PRKG1: variants seen among roughly 807,000 people sequenced by gnomAD.
The protein encoded by PRKG1 is protein kinase cGMP-dependent 1.
In PRKG1, 35 loss-of-function variants were observed where a neutral mutation model predicts 88.1. The observed-to-expected ratio is 0.40, with a 90% confidence interval of 0.30 to 0.53. The LOEUF (loss-of-function observed/expected upper bound fraction) is 0.53, where lower values mean the gene tolerates loss of function less well. PRKG1 is among the 20% of genes least tolerant of loss of function. The probability of loss-of-function intolerance (pLI) is 0.59; values close to 1 mark genes in which losing one functional copy is unlikely to be tolerated. For synonymous variants in PRKG1, 303 were observed against 292.5 expected, an observed-to-expected ratio of 1.04 and a Z score of -0.37; for missense variants, 540 against 839.8, an observed-to-expected ratio of 0.64 and a Z score of 4.41.
intron 1 of PRKG1, among the ~76,000 whole-genome samples, chr10:51,150,480 T>G (rs2131970244): frequency 6.6e-6 from 1 of 152,282 alleles, no homozygotes; most frequent in Non-Finnish European, 1.5e-5. Flanking sequence ...CTTTGAGTAT[T>G]ATTCTCTGAC....
chr10:51,129,424 G>A (rs1246602759), intron 1 of PRKG1, among the ~76,000 whole-genome samples: 2 of 151,598 alleles, frequency 1.3e-5, no homozygotes, highest in African/African-American at 2.4e-5. Context: ...CAGCCTGTGC[G>A]ATAGAGTGAG....
At chr10:51,335,435 T>G (rs1841850928) in intron 2 of PRKG1, among the ~76,000 whole-genome samples, 1 of 152,192 alleles carries the variant, frequency 6.6e-6, no homozygotes. Flanking sequence ...AAATATTACT[T>G]ACCAAAATAT....
intron 3 of PRKG1, among the ~76,000 whole-genome samples, chr10:51,624,655 G>T (rs1425601944): frequency 6.6e-6 from 1 of 152,132 alleles, no homozygotes; most frequent in Non-Finnish European, 1.5e-5. Flanking sequence ...CACAGTTGTG[G>T]CCACAGAGAT....
Position 51,621,009 on chromosome 10 carries a change from GTATATA to G in PRKG1, c.592+153191_592+153196del, listed in dbSNP as rs55657310. On this transcript the variant is annotated intron_variant, in intron 3 of 17. Transcript: ENST00000373980. ...TGTGTGTGTGTGTGTGTATATGTGT[GTATATA>G]TATATATATATATATATGACTCCTA... 1.7e-3 allele frequency among the ~76,000 whole-genome samples: 207 copies of G among 121,910 alleles called. 1 individual carries two copies. Among genetic ancestry groups the G allele is most frequent in the African/African-American group, 5.7e-3 (201 of 34,996 alleles). 80.0% of individuals were successfully genotyped at this position (121,910 alleles called of 152,430 possible).
intron 1 of PRKG1, among the ~76,000 whole-genome samples, chr10:51,043,364 C>T (rs1843449831): frequency 6.6e-6 from 1 of 152,104 alleles, no homozygotes; most frequent in Non-Finnish European, 1.5e-5. Context: ...GCCGTGCCCC[C>T]CAAAGCACAC....
chr10:52,145,308 A>G (rs1352702161), intron 8 of PRKG1, among the ~76,000 whole-genome samples: 1 of 152,148 alleles, frequency 6.6e-6, no homozygotes, highest in African/African-American at 2.4e-5. Flanking sequence ...ATTTTTGTCC[A>G]TTGGATGTTA....
chr10:51,372,049 C>A (rs578170098), intron 2 of PRKG1, among the ~76,000 whole-genome samples: 1 of 152,034 alleles, frequency 6.6e-6, no homozygotes, highest in Non-Finnish European at 1.5e-5. Context: ...GTTTTCTATA[C>A]GTTTGAAGTG....
At chr10:51,018,083 TA>T (rs1843091963) in intron 1 of PRKG1, among the ~76,000 whole-genome samples, 1 of 152,178 alleles carries the variant, frequency 6.6e-6, no homozygotes, top group Admixed American at 6.5e-5. Context: ...TGGCCTCCTA[TA>T]GGGTTGGGAT....
At chr10:51,558,769 G>A (rs1196364727) in intron 3 of PRKG1, among the ~76,000 whole-genome samples, 1 of 152,124 alleles carries the variant, frequency 6.6e-6, no homozygotes, top group Non-Finnish European at 1.5e-5. Context: ...GTAATGGAAT[G>A]ATTTCTTAAA....
chr10:51,420,692 T>A (rs192388839), intron 2 of PRKG1, among the ~76,000 whole-genome samples: 4 of 152,194 alleles, frequency 2.6e-5, no homozygotes, highest in Non-Finnish European at 4.4e-5. Context: ...CAGGTTGTAT[T>A]AGGCCGTTCT....
At position 51,963,594 on chromosome 10, in the gene PRKG1, G is replaced by T. The variant is rs544422870; in HGVS notation, c.762+56024G>T. ...TCCTGCCTCAGCCACCCGAGTAGCT[G>T]GGACCACCATGCCCGGCTAATTTTT... is the stretch of plus-strand genomic sequence containing the variant. On this transcript the variant is annotated intron_variant, in intron 5 of 17. Coordinates refer to ENST00000373980, the MANE Select transcript of PRKG1 (RefSeq NM_006258.4). Among the ~76,000 whole-genome samples, 5 of 152,002 alleles carry T rather than the reference G, an allele frequency of 3.3e-5. No homozygotes were observed. The East Asian group carries it at 9.7e-4, about 30-fold the overall frequency.
intron 2 of PRKG1, among the ~76,000 whole-genome samples, chr10:51,406,220 A>G (rs569728579): frequency 6.6e-6 from 1 of 152,282 alleles, no homozygotes; most frequent in African/African-American, 2.4e-5. Context: ...TTTGTTGTCG[A>G]CAGCTGTTCC....
In PRKG1 at chr10:52,189,702, G is replaced by T. The variant is rs148002955; in HGVS notation, c.1076+27739G>T. Among the ~76,000 whole-genome samples, 978 of 152,254 alleles carry T rather than the reference G, an allele frequency of 6.4e-3. 6 individuals are homozygous for T. The highest frequency in any genetic ancestry group is 9.3e-3 in the Non-Finnish European group (632 of 67,998). On this transcript the variant is annotated intron_variant, in intron 9 of 17. Coordinates refer to ENST00000373980, the MANE Select transcript of PRKG1 (RefSeq NM_006258.4). ...GATGCCAAAAAGGTTGGGGACTGCT[G>T]CCCTAGACCCCTCATGCTCTGGTGG...
In PRKG1 at chr10:52,298,083, A is replaced by T. The variant is rs990309121; in HGVS notation, c.*4183A>T. The T allele has an allele frequency of 6.6e-6, 1 of 152,072 alleles. No individual in the cohort carries two copies. Among genetic ancestry groups the T allele is most frequent in the Non-Finnish European group, 1.5e-5 (1 of 68,012 alleles). The allele number at this position is 152,072 out of a possible 1,614,324, so 9.4% of individuals were successfully genotyped here. A position where few individuals can be genotyped will look rare whatever the true frequency, so the allele number is the denominator to read the frequency against. ...TTATTTCAATGTATGATGTTTTTAC[A>T]ACTGGTCAGTTCTTTTGTATTCTTA... On this transcript the variant is annotated 3_prime_UTR_variant, in exon 18 of 18. Transcript: ENST00000373980.
chr10:52,130,377 G>A (rs1345263962), intron 7 of PRKG1, among the ~76,000 whole-genome samples: 6 of 152,046 alleles, frequency 3.9e-5, no homozygotes, highest in Non-Finnish European at 7.4e-5. Context: ...AACTTTAAAA[G>A]TATATCCAAT....
chr10:52,065,517 T>TGA (rs1846335708), intron 7 of PRKG1, among the ~76,000 whole-genome samples: 1 of 152,016 alleles, frequency 6.6e-6, no homozygotes, highest in African/African-American at 2.4e-5. Context: ...TTATTTTCTT[T>TGA]CTATTTCACA....
At chr10:51,497,300 C>A (rs1840887154) in intron 3 of PRKG1, among the ~76,000 whole-genome samples, 1 of 152,020 alleles carries the variant, frequency 6.6e-6, no homozygotes, top group Admixed American at 6.6e-5. Context: ...CCTTGGACAC[C>A]CAATACTTTT....
intron 2 of PRKG1, among the ~76,000 whole-genome samples, chr10:51,279,751 T>C (rs1658811245): frequency 6.6e-6 from 1 of 152,218 alleles, no homozygotes; most frequent in African/African-American, 2.4e-5. Flanking sequence ...TCCCTTTATT[T>C]TGAGCCTATG....
intron 2 of PRKG1, among the ~76,000 whole-genome samples, chr10:51,322,535 C>A (rs917801049): frequency 6.6e-6 from 1 of 152,102 alleles, no homozygotes; most frequent in Non-Finnish European, 1.5e-5. Context: ...ACAGACAGAA[C>A]GAGATAATAG....
Sources: allele counts gnomAD v4.1 joint callset (sites outside exome capture counted in the v4.1 genomes callset), GRCh38; gene constraint gnomAD v4.1.1; transcripts MANE v1.5; gene names NCBI Gene and HGNC (gene_info 2026-07-23, HGNC 2026-07-21).